LITAF: variants seen among roughly 807,000 people sequenced by gnomAD.
LITAF encodes lipopolysaccharide-induced tumor necrosis factor-alpha factor.
In LITAF, 9 loss-of-function variants were observed where a neutral mutation model predicts 14.5. The ratio of observed to expected loss-of-function variants is 0.62; its 90% CI spans 0.37 to 1.08. The LOEUF is 1.08. Ranked by LOEUF, LITAF falls within the 50% of genes least tolerant of loss-of-function variation. The pLI is 0.01. For missense variants in LITAF, 206 were observed against 213.4 expected (o/e 0.97, Z 0.22); for synonymous variants, 98 against 88.2 (o/e 1.11, Z -0.62).
chr16:11,625,817 G>A (rs1366351421), intron 3 of LITAF, among the ~76,000 whole-genome samples: 1 of 152,136 alleles, frequency 6.6e-6, no homozygotes, highest in South Asian at 2.1e-4. Context: ...AGTCAGCCAG[G>A]CTAGTTCTAA....
upstream of LITAF, among the ~76,000 whole-genome samples, chr16:11,638,024 C>CTA (rs1555475693): frequency 5.5e-5 from 4 of 72,158 alleles, no homozygotes; most frequent in South Asian, 8.1e-4. Context: ...CTATATATAT[C>CTA]TATATATCTA....
At chr16:11,565,867 G>A (rs563401310) in intron 1 of LITAF, among the ~76,000 whole-genome samples, 11 of 151,756 alleles carry the variant, frequency 7.2e-5, no homozygotes, top group African/African-American at 2.4e-4. Context: ...GCTTGCCCCC[G>A]GGAGAATTCA....
At chr16:11,559,206 T>C (rs972733134) in intron 1 of LITAF, among the ~76,000 whole-genome samples, 5 of 152,228 alleles carry the variant, frequency 3.3e-5, no homozygotes, top group African/African-American at 1.2e-4. Context: ...CAGTGAGCCA[T>C]GATCATGCCA....
chr16:11,616,202 C>T (rs1469569361), intron 3 of LITAF, among the ~76,000 whole-genome samples: 1 of 152,062 alleles, frequency 6.6e-6, no homozygotes, highest in Non-Finnish European at 1.5e-5. Context: ...TGCTGGACAC[C>T]GTGGCTCCCA....
chr16:11,584,309 C>T (rs916478938), intron 1 of LITAF: 1 of 152,176 alleles, frequency 6.6e-6, no homozygotes, highest in African/African-American at 2.4e-5. Flanking sequence ...TTTTTCCACC[C>T]TCACTGTAGC....
chr16:11,619,806 C>CA (rs1366639184), intron 3 of LITAF, among the ~76,000 whole-genome samples: 1 of 152,118 alleles, frequency 6.6e-6, no homozygotes, highest in East Asian at 1.9e-4. Context: ...CTCCTGGCCT[C>CA]AAGCGATCCT....
At chr16:11,563,121 C>T (rs1035682070) in intron 1 of LITAF, among the ~76,000 whole-genome samples, 2 of 150,838 alleles carry the variant, frequency 1.3e-5, no homozygotes, top group African/African-American at 4.9e-5. Context: ...AGAGTGAGAC[C>T]ATATCTCTAC....
intron 3 of LITAF, among the ~76,000 whole-genome samples, chr16:11,631,056 C>T (rs970015589): frequency 1.3e-5 from 2 of 152,168 alleles, no homozygotes; most frequent in African/African-American, 2.4e-5. Context: ...CGAGGCTTAA[C>T]AAGGTTAAAG....
chr16:11,551,662 C>CAAA, intron 3 of LITAF: 4 of 543,942 alleles, frequency 7.4e-6, no homozygotes, highest in Non-Finnish European at 1.3e-5. Flanking sequence ...CTTCCACACA[C>CAAA]ACAAAAAAAA....
chr16:11,566,628 G>A (rs1390946363), intron 1 of LITAF, among the ~76,000 whole-genome samples: 1 of 152,150 alleles, frequency 6.6e-6, no homozygotes, highest in East Asian at 1.9e-4. Context: ...AGCTGGGCGT[G>A]ATGGCACATG....
chr16:11,593,110 G>A (rs1438890694), intron 1 of LITAF, among the ~76,000 whole-genome samples: 1 of 152,116 alleles, frequency 6.6e-6, no homozygotes, highest in African/African-American at 2.4e-5. Flanking sequence ...GGAGGAGCTT[G>A]CAGTGAGCGG....
intron 1 of LITAF, chr16:11,561,220 G>A (rs1450962264): frequency 6.6e-6 from 1 of 152,240 alleles, no homozygotes; most frequent in African/African-American, 2.4e-5. Flanking sequence ...GGAATGCTTT[G>A]AGGGAAAACA....
chr16:11,639,401 G>T (rs2065155342), upstream of LITAF, among the ~76,000 whole-genome samples: 1 of 150,414 alleles, frequency 6.6e-6, no homozygotes, highest in South Asian at 2.1e-4. Flanking sequence ...TGGATAGATG[G>T]GTGGATGGAT....
chr16:11,560,582 C>CCAA (rs1555467529), intron 1 of LITAF, among the ~76,000 whole-genome samples: 1 of 118,964 alleles, frequency 8.4e-6, no homozygotes. Flanking sequence ...GATTCCATCT[C>CCAA]AAAAAAAAAA....
intron 3 of LITAF, among the ~76,000 whole-genome samples, chr16:11,628,671 A>AT (rs1336733839): frequency 2.1e-5 from 3 of 141,270 alleles, no homozygotes; most frequent in Admixed American, 1.5e-4. Context: ...GCTGGCTAAT[A>AT]TTTTTTCTTT....
At position 11,553,457 on chromosome 16, in the gene LITAF, C is replaced by T. The variant is rs1344672603; in HGVS notation, c.377+76G>A. 6 of 1,462,788 alleles carry T rather than the reference C, an allele frequency of 4.1e-6. No individual in the cohort carries two copies. Among genetic ancestry groups the T allele is most frequent in the Non-Finnish European group, 5.7e-6 (6 of 1,053,124 alleles). The allele number at this position is 1,462,788 out of a possible 1,614,324, so 90.6% of individuals were successfully genotyped here. A position where few individuals can be genotyped will look rare whatever the true frequency, so the allele number is the denominator to read the frequency against. On this transcript the variant is annotated intron_variant, in intron 3 of 3. Transcript: ENST00000622633. This position sits in a 1 kb window ranked among gnomAD's most constrained non-coding sequence, Gnocchi z 7.7. ...CTGGCCCTGAATGTCAAGCATGGTG[C>T]AGTTGAGAACCCACCCCCGCCAGCA...
chr16:11,590,039 C>A (rs200023225), upstream of LITAF, among the ~76,000 whole-genome samples: 10 of 113,208 alleles, frequency 8.8e-5, 3 homozygotes, highest in East Asian at 2.4e-3. Context: ...CACCTGTAGT[C>A]CCAGCTACTC....
chr16:11,576,180 C>T (rs966119690), intron 1 of LITAF, among the ~76,000 whole-genome samples: 1 of 151,424 alleles, frequency 6.6e-6, no homozygotes, highest in Non-Finnish European at 1.5e-5. Flanking sequence ...TTTCTAAAAT[C>T]GATCCCAGCT....
chr16:11,575,849 T>C (rs182666980), intron 1 of LITAF, among the ~76,000 whole-genome samples: 57 of 152,266 alleles, frequency 3.7e-4, no homozygotes, highest in African/African-American at 1.3e-3. Context: ...GAAAAAAGTA[T>C]CTTAACCTTT....
Sources: gnomAD v4.1 joint callset for allele counts (sites outside exome capture counted in the v4.1 genomes callset) on GRCh38, gnomAD v4.1.1 for gene constraint, Gnocchi (gnomAD v3.1) non-coding constraint, MANE v1.5 for transcripts, NCBI Gene and HGNC (gene_info 2026-07-23, HGNC 2026-07-21) for gene names.